Variants in RASGEF1A observed in about 807,000 individuals in gnomAD.
The protein encoded by RASGEF1A is ras-GEF domain-containing family member 1A.
RASGEF1A carries 18 observed loss-of-function variants against 56.4 expected under a neutral mutation model. That is an observed-to-expected ratio of 0.32 (90% CI 0.22 to 0.47). The LOEUF (loss-of-function observed/expected upper bound fraction) is 0.47. Among genes scored for constraint, RASGEF1A ranks in the 20% least tolerant of loss-of-function variants. The pLI is 1.00. For missense variants in RASGEF1A, 422 were observed against 627.1 expected, an observed-to-expected ratio of 0.67 and a Z score of 3.49; for synonymous variants, 245 against 242.6, an observed-to-expected ratio of 1.01 and a Z score of -0.09.
At chr10:43,203,526 C>T in intron 2 of RASGEF1A, 106 bp from the exon 3 acceptor site, 15 of 1,426,892 alleles carry the variant, frequency 1.1e-5, no homozygotes, top group Non-Finnish European at 1.4e-5. Context: ...CCAGCACCGC[C>T]GGTCCCGAGG....
intron 10 of RASGEF1A, 32 bp from the exon 11 acceptor site, chr10:43,197,131 T>C (rs1839811433): frequency 6.2e-7 from 1 of 1,610,236 alleles, no homozygotes; most frequent in Non-Finnish European, 8.5e-7. Flanking sequence ...GATGTTCATC[T>C]GTCACCTTAA....
chr10:43,236,710 G>C (rs1840435774), intron 1 of RASGEF1A, among the ~76,000 whole-genome samples: 1 of 152,250 alleles, frequency 6.6e-6, no homozygotes, highest in Non-Finnish European at 1.5e-5. Flanking sequence ...CAGGACATGA[G>C]GCATCCCTGC....
In RASGEF1A at chr10:43,195,966, A is replaced by G. The variant is rs1839790066; in HGVS notation, c.*278T>C. The G allele has an allele frequency of 3.6e-6, 1 of 276,982 alleles. No homozygotes were observed. The highest frequency in any genetic ancestry group is 6.5e-5 in the East Asian group (1 of 15,488). The allele number at this position is 276,982 out of a possible 1,614,324, so 17.2% of individuals were successfully genotyped here. Reference sequence around the variant, plus strand: ...TCAAAAGTAGAAAATAAAAATCTACATTTCATTAGAATAAGATGTTATCAT... The same window carrying G: ...TCAAAAGTAGAAAATAAAAATCTACGTTTCATTAGAATAAGATGTTATCAT... On this transcript the variant is annotated 3_prime_UTR_variant, in exon 13 of 13. Transcript: ENST00000395810. This position sits in a 1 kb window ranked among gnomAD's most constrained non-coding sequence, Gnocchi z 4.2.
At position 43,199,020 on chromosome 10, in the gene RASGEF1A, G is replaced by A; in HGVS notation, c.953-8C>T. On this transcript the variant is annotated splice_region_variant and splice_polypyrimidine_tract_variant and intron_variant, in intron 8 of 12. Coordinates refer to ENST00000395810, the MANE Select transcript of RASGEF1A (RefSeq NM_145313.4). Reference sequence around the variant, plus strand: ...GACTGAGGTTCATGCCAGCTGCAGAGGACAGCAGGTAGGGTCAGGGCCGGG... The same window carrying A: ...GACTGAGGTTCATGCCAGCTGCAGAAGACAGCAGGTAGGGTCAGGGCCGGG... The A allele has an allele frequency of 1.2e-6, 2 of 1,612,256 alleles. No individual in the cohort carries two copies. Among genetic ancestry groups the A allele is most frequent in the South Asian group, 1.1e-5 (1 of 91,038 alleles).
At chr10:43,246,982 A>C (rs535221783) in intron 1 of RASGEF1A, among the ~76,000 whole-genome samples, 1 of 152,310 alleles carries the variant, frequency 6.6e-6, no homozygotes, top group South Asian at 2.1e-4. Flanking sequence ...AATGGGAAAC[A>C]CTACCCTCAG....
Position 43,196,467 on chromosome 10 carries a change from C to G in RASGEF1A, c.1421+9G>C, listed in dbSNP as rs1004549647. On this transcript the variant is annotated intron_variant, in intron 12 of 12. Coordinates refer to ENST00000395810, the MANE Select transcript of RASGEF1A (RefSeq NM_145313.4). The surrounding 1 kb of genome is among the most constrained non-coding windows in gnomAD (Gnocchi z 4.6). ...CTTACAGACTCCCATGTTCCTGACGCCCTCCTACCTGAGGGTCTTCCAGCT... is the reference window on the plus strand; with the variant it reads ...CTTACAGACTCCCATGTTCCTGACGGCCTCCTACCTGAGGGTCTTCCAGCT... 1.2e-6 allele frequency: 2 copies of G among 1,613,656 alleles called. No homozygotes were observed. The highest frequency in any genetic ancestry group is 1.1e-5 in the South Asian group (1 of 91,064).
chr10:43,200,653 A>C lies in RASGEF1A; in HGVS notation c.681+14T>G. The C allele has an allele frequency of 6.2e-7, 1 of 1,604,644 alleles. No individual in the cohort carries two copies. The highest frequency in any genetic ancestry group is 8.5e-7 in the Non-Finnish European group (1 of 1,175,318). ...CAGCCCCCACCCCCAGTCAGGGCAT[A>C]AGGCAGCACTGACCAGCTCAATGTG... On this transcript the variant is annotated intron_variant, in intron 5 of 12. Transcript: ENST00000395810.
intron 1 of RASGEF1A, among the ~76,000 whole-genome samples, chr10:43,252,890 C>G (rs1840643340): frequency 6.6e-6 from 1 of 152,086 alleles, no homozygotes; most frequent in South Asian, 2.1e-4. Flanking sequence ...ACTAACCGCT[C>G]CCCTGCACCC....
chr10:43,264,351 G>A (rs1345424734), intron 1 of RASGEF1A, among the ~76,000 whole-genome samples: 1 of 151,210 alleles, frequency 6.6e-6, no homozygotes, highest in African/African-American at 2.4e-5. Flanking sequence ...ACCCCCGCAG[G>A]TCAGGCTGAC....
chr10:43,245,320 G>A (rs1356985148), intron 1 of RASGEF1A, among the ~76,000 whole-genome samples: 4 of 152,084 alleles, frequency 2.6e-5, no homozygotes, highest in African/African-American at 9.7e-5. Flanking sequence ...GAAAAGCCCA[G>A]GGCCAAAGTC....
chr10:43,199,425 G>C (rs2133179254), intron 7 of RASGEF1A, among the ~76,000 whole-genome samples: 1 of 152,342 alleles, frequency 6.6e-6, no homozygotes, highest in Middle Eastern at 3.4e-3. Flanking sequence ...GGCTGTGAGG[G>C]CTGGCAAAGC....
rs527444034 is a variant in RASGEF1A, at chr10:43,203,564, C to A, written c.199-144G>T. 6.5e-5 allele frequency: 88 copies of A among 1,350,316 alleles called. 2 individuals carry two copies. The South Asian group carries it at 1.3e-3, about 20-fold the overall frequency. 83.6% of individuals were successfully genotyped at this position (1,350,316 alleles called of 1,614,324 possible). A position where few individuals can be genotyped will look rare whatever the true frequency, so the allele number is the denominator to read the frequency against. ...ATGCCTTCACCTGCCCGGTTCCCTT[C>A]GCCTTGCAGGCCCTTCCTCCTCTTA... On this transcript the variant is annotated intron_variant, in intron 2 of 12. Coordinates refer to ENST00000395810, the MANE Select transcript of RASGEF1A (RefSeq NM_145313.4).
intron 1 of RASGEF1A, among the ~76,000 whole-genome samples, chr10:43,239,285 G>A (rs1380028930): frequency 6.6e-6 from 1 of 152,206 alleles, no homozygotes; most frequent in Non-Finnish European, 1.5e-5. Context: ...TATAAAAGAT[G>A]AACTCCTAAT....
At chr10:43,211,473 G>A (rs1164466472) in intron 1 of RASGEF1A, among the ~76,000 whole-genome samples, 5 of 152,290 alleles carry the variant, frequency 3.3e-5, no homozygotes, top group South Asian at 2.1e-4. Context: ...GCCAGGATGC[G>A]CTGCAGCAGG....
At chr10:43,225,712 G>A (rs1335394547) in intron 1 of RASGEF1A, among the ~76,000 whole-genome samples, 3 of 152,076 alleles carry the variant, frequency 2.0e-5, no homozygotes, top group African/African-American at 7.2e-5. Context: ...ACTTTTCCTG[G>A]TCACCCACCC....
intron 1 of RASGEF1A, among the ~76,000 whole-genome samples, chr10:43,244,956 T>C (rs1840553661): frequency 6.6e-6 from 1 of 150,664 alleles, no homozygotes; most frequent in Non-Finnish European, 1.5e-5. Flanking sequence ...AAGAAGAAAA[T>C]ACTAGAGTGA....
Position 43,200,706 on chromosome 10 carries a change from G to C in RASGEF1A, c.642C>G (p.Asp214Glu). 1 of 1,613,386 alleles carries C rather than the reference G, an allele frequency of 6.2e-7. No homozygotes were observed. The highest frequency in any genetic ancestry group is 8.5e-7 in the Non-Finnish European group (1 of 1,180,024). Residue 214 changes from aspartate to glutamate, a missense_variant, in exon 5 of 13, where the codon GAC becomes GAG. This residue lies in a region of RASGEF1A where 273 missense variants were observed against 339.9 expected (regional missense o/e 0.80). Transcript: ENST00000395810. ...TCAGCTGCTGGGCCAGCACCAGGGG[G>C]TCGCAGCACACGCCCAGGATGTCCT... is the stretch of plus-strand genomic sequence containing the variant. ...AQKDILGVCCDPLVLAQQLTH... is the reference protein window; with the variant it reads ...AQKDILGVCCEPLVLAQQLTH...
chr10:43,228,516 A>G (rs527737758), intron 1 of RASGEF1A, among the ~76,000 whole-genome samples: 24 of 152,204 alleles, frequency 1.6e-4, no homozygotes, highest in African/African-American at 5.5e-4. Flanking sequence ...CCACTCCCCT[A>G]CTATGTGACC....
chr10:43,214,048 CACACAGTGTGT>C (rs2133196753), intron 1 of RASGEF1A, among the ~76,000 whole-genome samples: 1 of 152,338 alleles, frequency 6.6e-6, no homozygotes, highest in East Asian at 1.9e-4. Flanking sequence ...GAGGGGCAGC[CACACAGTGTGT>C]ACACCTTTCC....
Sources: gnomAD v4.1 joint callset for allele counts (sites outside exome capture counted in the v4.1 genomes callset) on GRCh38, gnomAD v4.1.1 for gene constraint, gnomAD v4.1.1 regional missense constraint, Gnocchi (gnomAD v3.1) non-coding constraint, MANE v1.5 for transcripts, NCBI Gene and HGNC (gene_info 2026-07-23, HGNC 2026-07-21) for gene names.